ASIC2: variants seen among roughly 807,000 people sequenced by gnomAD.
ASIC2 encodes the protein acid-sensing ion channel 2.
Under a neutral mutation model 57.3 loss-of-function variants are expected in ASIC2, and 25 were observed. The observed-to-expected ratio is 0.44, with a 90% CI of 0.32 to 0.61. The LOEUF is 0.61. ASIC2 is among the 20% of genes least tolerant of loss of function. The pLI is 0.06. For missense variants in ASIC2, 641 were observed against 738.1 expected (o/e 0.87, Z 1.52); for synonymous variants, 319 against 307.5 (o/e 1.04, Z -0.39).
At chr17:33,110,498 G>T (rs4795745) in intron 2 of ASIC2, among the ~76,000 whole-genome samples, 2 of 152,278 alleles carry the variant, frequency 1.3e-5, no homozygotes, top group Admixed American at 6.5e-5. Flanking sequence ...GTGCCCTGGC[G>T]CCTGAGGTGA....
At chr17:33,610,718 A>C (rs948510114) in intron 1 of ASIC2, among the ~76,000 whole-genome samples, 1 of 147,826 alleles carries the variant, frequency 6.8e-6, no homozygotes, top group Non-Finnish European at 1.5e-5. Context: ...ATAAATAAAA[A>C]ATAAATAAAT....
At chr17:33,178,433 G>A (rs1905847226) in intron 1 of ASIC2, among the ~76,000 whole-genome samples, 1 of 152,184 alleles carries the variant, frequency 6.6e-6, no homozygotes. Context: ...GTCTTGGCTT[G>A]TTATTCAGTC....
intron 1 of ASIC2, among the ~76,000 whole-genome samples, chr17:33,362,110 A>G (rs1399851616): frequency 6.6e-6 from 1 of 152,180 alleles, no homozygotes; most frequent in African/African-American, 2.4e-5. Flanking sequence ...TCCTACATAG[A>G]TTGGCTGGGT....
rs189485081 is a variant in ASIC2 at position 33,852,145 on chromosome 17, C to T, written c.555+303833G>A. On this transcript the variant is annotated intron_variant, in intron 1 of 9. Coordinates refer to the ASIC2 transcript ENST00000359872. ...AGGCTGTGCAAGCACAGAGTGGGGC[C>T]CAGCATCTATCCATCATCAAGTAAG... Among the ~76,000 whole-genome samples, 420 of 152,322 alleles carry T rather than the reference C, an allele frequency of 2.8e-3. 6 individuals are homozygous for T. The highest frequency in any genetic ancestry group is 9.4e-3 in the African/African-American group (392 of 41,578).
intron 1 of ASIC2, among the ~76,000 whole-genome samples, chr17:33,169,931 G>A (rs1300170434): frequency 1.3e-5 from 2 of 152,186 alleles, no homozygotes; most frequent in Non-Finnish European, 2.9e-5. Flanking sequence ...TGGGCCTCTC[G>A]GGTGATGCCC....
At chr17:33,421,961 G>A (rs1318747468) in intron 1 of ASIC2, among the ~76,000 whole-genome samples, 4 of 152,188 alleles carry the variant, frequency 2.6e-5, no homozygotes, top group East Asian at 1.9e-4. Flanking sequence ...GTTTGGGGGC[G>A]CCAGCCTTTG....
At position 33,777,590 on chromosome 17, in the gene ASIC2, G is replaced by T. The variant is rs2142125512; in HGVS notation, c.555+378388C>A. Among the ~76,000 whole-genome samples the T allele has an allele frequency of 1.3e-5, 2 of 152,210 alleles. 1 individual carries two copies. The highest frequency in any genetic ancestry group is 4.2e-4 in the South Asian group (2 of 4,810). On this transcript the variant is annotated intron_variant, in intron 1 of 9. Transcript: ENST00000359872. ...TCAAGCAAAAGTCATGTGGGAACCT[G>T]GTTCTAGTGCACAGAGAGGTTTGAC...
At chr17:34,095,074 C>T (rs560953738) in intron 1 of ASIC2, among the ~76,000 whole-genome samples, 1 of 152,336 alleles carries the variant, frequency 6.6e-6, no homozygotes, top group South Asian at 2.1e-4. Flanking sequence ...TCTTCAGTTT[C>T]TCCATATATA....
chr17:33,564,356 G>T (rs1339781060), intron 1 of ASIC2, among the ~76,000 whole-genome samples: 1 of 152,240 alleles, frequency 6.6e-6, no homozygotes, highest in Non-Finnish European at 1.5e-5. Context: ...CAATGGATCA[G>T]GTTGAAGTTG....
intron 1 of ASIC2, among the ~76,000 whole-genome samples, chr17:33,171,546 G>C (rs559725138): frequency 2.0e-5 from 3 of 152,118 alleles, no homozygotes; most frequent in African/African-American, 7.2e-5. Flanking sequence ...CATCACCATT[G>C]TTATCATGTC....
At chr17:33,782,105 T>G (rs983841549) in intron 1 of ASIC2, among the ~76,000 whole-genome samples, 28 of 152,208 alleles carry the variant, frequency 1.8e-4, no homozygotes, top group African/African-American at 6.8e-4. Context: ...TTTCTCCCAG[T>G]CTGAAGCTTA....
chr17:33,960,067 G>A (rs1161858642), intron 1 of ASIC2, among the ~76,000 whole-genome samples: 2 of 152,206 alleles, frequency 1.3e-5, no homozygotes, highest in East Asian at 3.8e-4. Flanking sequence ...GTTCAACCTA[G>A]CTCCAGTTGT....
At chr17:33,282,319 T>G (rs1165338924) in intron 1 of ASIC2, among the ~76,000 whole-genome samples, 1 of 152,176 alleles carries the variant, frequency 6.6e-6, no homozygotes, top group East Asian at 1.9e-4. Context: ...TCTGGAGGCT[T>G]TAGGGCAGAA....
chr17:33,430,675 G>A (rs1218138063), intron 1 of ASIC2, among the ~76,000 whole-genome samples: 2 of 152,106 alleles, frequency 1.3e-5, no homozygotes, highest in South Asian at 2.1e-4. Flanking sequence ...GTGGAAATGC[G>A]GTCCAGTGTA....
At chr17:33,146,599 A>G (rs1489956430) in intron 1 of ASIC2, among the ~76,000 whole-genome samples, 1 of 152,228 alleles carries the variant, frequency 6.6e-6, no homozygotes, top group Non-Finnish European at 1.5e-5. Flanking sequence ...AACAGCCTGA[A>G]CTGAGCTAAG....
rs1014364678 is a variant in ASIC2 at position 33,434,368 on chromosome 17, C to A, written c.556-322301G>T. On this transcript the variant is annotated intron_variant, in intron 1 of 9. Transcript: ENST00000359872. Reference sequence around the variant, plus strand: ...ATAGAAAGAACACAAACACAGTGTACCTGAAAAATTGTGCTTGAGTGACCA... The same window carrying A: ...ATAGAAAGAACACAAACACAGTGTAACTGAAAAATTGTGCTTGAGTGACCA... Among the ~76,000 whole-genome samples the A allele has an allele frequency of 1.5e-4, 23 of 152,086 alleles. No individual in the cohort carries two copies. In the South Asian group the frequency reaches 4.8e-3, roughly 32 times the overall value.
intron 1 of ASIC2, among the ~76,000 whole-genome samples, chr17:33,242,887 G>GTGAT (rs1344380481): frequency 6.6e-6 from 1 of 152,120 alleles, no homozygotes; most frequent in East Asian, 1.9e-4. Flanking sequence ...GGATCGAGAG[G>GTGAT]TGATTGCTGG....
At chr17:33,640,743 A>G (rs925959856) in intron 1 of ASIC2, among the ~76,000 whole-genome samples, 9 of 152,000 alleles carry the variant, frequency 5.9e-5, no homozygotes, top group East Asian at 1.9e-4. Flanking sequence ...GTGTGGAGTC[A>G]GTCATTCTCA....
intron 3 of ASIC2, among the ~76,000 whole-genome samples, chr17:33,071,634 T>C (rs1379948938): frequency 6.6e-6 from 1 of 152,244 alleles, no homozygotes; most frequent in African/African-American, 2.4e-5. Context: ...ATGCCAGATG[T>C]CATGAATTTT....
Sources: allele counts gnomAD v4.1 joint callset (sites outside exome capture counted in the v4.1 genomes callset), GRCh38; gene constraint gnomAD v4.1.1; transcripts MANE v1.5; gene names NCBI Gene and HGNC (gene_info 2026-07-23, HGNC 2026-07-21).